Variants in PLCB1 observed in about 807,000 individuals in gnomAD.
The protein encoded by PLCB1 is 1-phosphatidylinositol 4,5-bisphosphate phosphodiesterase beta-1.
In PLCB1, 46 loss-of-function variants were observed where a neutral mutation model predicts 161.8. The observed-to-expected ratio is 0.28, with a 90% CI of 0.22 to 0.36. The LOEUF is 0.36. Among genes scored for constraint, PLCB1 ranks in the 10% least tolerant of loss-of-function variants. The probability of loss-of-function intolerance (pLI) is 1.00; values close to 1 mark genes in which losing one functional copy is unlikely to be tolerated. For missense variants in PLCB1, 1,016 were observed against 1,472.5 expected, an observed-to-expected ratio of 0.69 and a Z score of 5.07; for synonymous variants, 517 against 503.7, an observed-to-expected ratio of 1.03 and a Z score of -0.35.
intron 31 of PLCB1, among the ~76,000 whole-genome samples, chr20:8,813,812 A>G (rs757472748): frequency 1.3e-5 from 2 of 152,220 alleles, no homozygotes; most frequent in Non-Finnish European, 2.9e-5. Flanking sequence ...AGGGCAACAG[A>G]GCAAGATTCT....
intron 3 of PLCB1, among the ~76,000 whole-genome samples, chr20:8,436,264 G>A (rs1980297969): frequency 1.3e-5 from 2 of 151,184 alleles, no homozygotes; most frequent in South Asian, 4.2e-4. Flanking sequence ...TAACCTGGAA[G>A]GCAGAGGTTG....
chr20:8,588,460 C>T (rs1373778540), intron 3 of PLCB1, among the ~76,000 whole-genome samples: 1 of 152,090 alleles, frequency 6.6e-6, no homozygotes, highest in Non-Finnish European at 1.5e-5. Context: ...GCCCTAACCC[C>T]TAATGTGACT....
chr20:8,556,656 GGTGTGTGTGTGTGTGTGTGTGTGT>G (rs58160557), intron 3 of PLCB1, among the ~76,000 whole-genome samples: 15 of 141,860 alleles, frequency 1.1e-4, no homozygotes, highest in African/African-American at 3.6e-4. Flanking sequence ...GAGAGGGTTG[GGTGTGTGTGTGTGTGTGTGTGTGT>G]GTGTGTGTGT....
At chr20:8,637,566 G>A (rs1179765846) in intron 4 of PLCB1, among the ~76,000 whole-genome samples, 1 of 152,026 alleles carries the variant, frequency 6.6e-6, no homozygotes, top group Non-Finnish European at 1.5e-5. Context: ...GTAGAAGGGT[G>A]GGGATAAATG....
intron 2 of PLCB1, among the ~76,000 whole-genome samples, chr20:8,211,605 A>T (rs1448462697): frequency 1.3e-5 from 2 of 152,142 alleles, no homozygotes; most frequent in Non-Finnish European, 2.9e-5. Flanking sequence ...AAAGGAGAGG[A>T]TGCAGAATGA....
intron 3 of PLCB1, among the ~76,000 whole-genome samples, chr20:8,607,568 T>C (rs538535732): frequency 6.6e-6 from 1 of 152,168 alleles, no homozygotes; most frequent in Non-Finnish European, 1.5e-5. Context: ...CCTGGAACTT[T>C]CTTCTCTTCT....
chr20:8,453,570 G>T (rs2122655458), intron 3 of PLCB1, among the ~76,000 whole-genome samples: 1 of 152,264 alleles, frequency 6.6e-6, no homozygotes, highest in Non-Finnish European at 1.5e-5. Flanking sequence ...ACAAGTCCTT[G>T]CCTCCTTGAA....
At chr20:8,756,619 G>A (rs1568586690) in intron 23 of PLCB1, among the ~76,000 whole-genome samples, 2 of 152,282 alleles carry the variant, frequency 1.3e-5, no homozygotes, top group South Asian at 4.1e-4. Context: ...TGACCAGGAT[G>A]ACTCAGCTCT....
intron 2 of PLCB1, among the ~76,000 whole-genome samples, chr20:8,275,246 C>CGTGA (rs1555794520): frequency 9.8e-5 from 5 of 50,870 alleles, no homozygotes; most frequent in African/African-American, 4.3e-4. Context: ...TTTGCATCAG[C>CGTGA]GTGAGTGTGT....
At chr20:8,856,678 A>T (rs1987079750) in intron 31 of PLCB1, among the ~76,000 whole-genome samples, 1 of 152,228 alleles carries the variant, frequency 6.6e-6, no homozygotes. Context: ...TATTCAGTGT[A>T]TATGAAGAGT....
chr20:8,716,561 G>A (rs369769928), intron 13 of PLCB1, among the ~76,000 whole-genome samples: 3 of 152,124 alleles, frequency 2.0e-5, no homozygotes, highest in Non-Finnish European at 2.9e-5. Context: ...CTTCTCTCTC[G>A]CTGGCTGCCT....
At chr20:8,718,933 T>C (rs1164168292) in intron 14 of PLCB1, among the ~76,000 whole-genome samples, 2 of 152,208 alleles carry the variant, frequency 1.3e-5, no homozygotes, top group South Asian at 2.1e-4. Context: ...ATCTGTGACA[T>C]GGCAAAATTA....
chr20:8,154,498 G>A (rs2051540318), intron 2 of PLCB1, among the ~76,000 whole-genome samples: 1 of 152,084 alleles, frequency 6.6e-6, no homozygotes, highest in South Asian at 2.1e-4. Context: ...AAGTGCGATT[G>A]CTGATTTAAG....
intron 2 of PLCB1, among the ~76,000 whole-genome samples, chr20:8,240,270 C>A (rs6118132): frequency 8.1e-6 from 1 of 123,194 alleles, no homozygotes; most frequent in African/African-American, 3.1e-5. Context: ...CCAAAATTTT[C>A]ATGATATTGA....
chr20:8,417,073 ATTTTTTTTTTTTTTTT>A (rs3031852), intron 3 of PLCB1, among the ~76,000 whole-genome samples: 1 of 39,884 alleles, frequency 2.5e-5, no homozygotes, highest in South Asian at 1.3e-3. Flanking sequence ...ATATATATAT[ATTTTTTTTTTTTTTTT>A]TTTTTTTTTT....
chr20:8,813,627 C>A (rs547971436), intron 31 of PLCB1, among the ~76,000 whole-genome samples: 1 of 151,934 alleles, frequency 6.6e-6, no homozygotes, highest in East Asian at 1.9e-4. Context: ...CCAAGGAAAT[C>A]GAAATCAGCC....
intron 23 of PLCB1, among the ~76,000 whole-genome samples, chr20:8,753,383 G>C (rs1981581943): frequency 6.6e-6 from 1 of 152,080 alleles, no homozygotes; most frequent in Non-Finnish European, 1.5e-5. Context: ...CAGAAAGGCT[G>C]GGGACCACTG....
intron 2 of PLCB1, among the ~76,000 whole-genome samples, chr20:8,276,986 C>CTTCTTCTTATTATTATTATTA (rs869194352): frequency 7.5e-5 from 7 of 93,346 alleles, no homozygotes; most frequent in African/African-American, 1.8e-4. Context: ...TCTTCTTCTT[C>CTTCTTCTTATTATTATTATTA]TTATTATTAT....
chr20:8,511,919 G>A (rs1983909196), intron 3 of PLCB1, among the ~76,000 whole-genome samples: 1 of 151,886 alleles, frequency 6.6e-6, no homozygotes. Context: ...TATATATTTT[G>A]GATATTCACT....
Sources: allele counts gnomAD v4.1 joint callset (sites outside exome capture counted in the v4.1 genomes callset), GRCh38; gene constraint gnomAD v4.1.1; transcripts MANE v1.5; gene names NCBI Gene and HGNC (gene_info 2026-07-23, HGNC 2026-07-21).